Variants in NEMP2 observed in about 807,000 individuals in gnomAD.
NEMP2 encodes the protein nuclear envelope integral membrane protein 2.
Under a neutral mutation model 54.2 loss-of-function variants are expected in NEMP2, and 53 were observed. The ratio of observed to expected loss-of-function variants is 0.98; its 90% CI spans 0.78 to 1.23. The LOEUF (loss-of-function observed/expected upper bound fraction) is 1.23. Ranked by LOEUF, NEMP2 falls within the 50% of genes most tolerant of loss-of-function variation. The pLI is 0.00. For synonymous variants in NEMP2, 197 were observed against 190.3 expected (o/e 1.04, Z -0.29); for missense variants, 455 against 511.3 (o/e 0.89, Z 1.06).
At chr2:190,604,075 T>A in the NEMP2 span, among the ~76,000 whole-genome samples, 1 of 152,240 alleles carries the variant, frequency 6.6e-6, no homozygotes, top group Non-Finnish European at 1.5e-5. The surrounding 1 kb of genome is among the most constrained non-coding windows in gnomAD (Gnocchi z 4.5). Context: ...TGAAAGAATG[T>A]GTCGCACCTG....
At chr2:190,472,829 C>T in the NEMP2 span, among the ~76,000 whole-genome samples, 2 of 152,062 alleles carry the variant, frequency 1.3e-5, no homozygotes, top group Non-Finnish European at 2.9e-5. Context: ...TTAAGGGCAG[C>T]CAGAGAGAAA....
upstream of NEMP2, chr2:190,534,963 C>G (rs1691321137): frequency 3.8e-6 from 1 of 262,028 alleles, no homozygotes; most frequent in Non-Finnish European, 7.2e-6. Flanking sequence ...GCGGGGCGTC[C>G]AGGGCCTCAT....
At chr2:190,562,684 A>G in the NEMP2 span, among the ~76,000 whole-genome samples, 2 of 152,112 alleles carry the variant, frequency 1.3e-5, no homozygotes, top group African/African-American at 2.4e-5. The surrounding 1 kb of genome is among the most constrained non-coding windows in gnomAD (Gnocchi z 5.0). Flanking sequence ...CTAACTTTAT[A>G]TAAATCTATG....
chr2:190,482,939 C>A, the NEMP2 span, among the ~76,000 whole-genome samples: 2 of 124,300 alleles, frequency 1.6e-5, no homozygotes, highest in East Asian at 5.3e-4. Flanking sequence ...GGCCGGACTG[C>A]GGACTGCAGT....
At chr2:190,434,961 C>T in the NEMP2 span, among the ~76,000 whole-genome samples, 6 of 152,136 alleles carry the variant, frequency 3.9e-5, no homozygotes, top group Non-Finnish European at 7.3e-5. This position sits in a 1 kb window ranked among gnomAD's most constrained non-coding sequence, Gnocchi z 4.3. Flanking sequence ...GGAGCATGAA[C>T]GCTATTGTGA....
intron 1 of NEMP2, chr2:190,534,319 G>C: frequency 8.4e-7 from 1 of 1,186,750 alleles, no homozygotes. Context: ...ACTGGATCGC[G>C]CGGTTGCTTC....
chr2:190,636,546 CGTAT>C, the NEMP2 span, among the ~76,000 whole-genome samples: 2 of 152,192 alleles, frequency 1.3e-5, no homozygotes, highest in African/African-American at 4.8e-5. Context: ...CATCACTAAG[CGTAT>C]GTCGTAATGA....
chr2:190,550,112 C>G, the NEMP2 span, among the ~76,000 whole-genome samples: 1 of 152,100 alleles, frequency 6.6e-6, no homozygotes, highest in Non-Finnish European at 1.5e-5. The surrounding 1 kb of genome is among the most constrained non-coding windows in gnomAD (Gnocchi z 4.7). Context: ...TTCCTAGTTC[C>G]CAGGTATACA....
chr2:190,595,783 G>A, the NEMP2 span, among the ~76,000 whole-genome samples: 13 of 152,244 alleles, frequency 8.5e-5, no homozygotes, highest in Non-Finnish European at 8.8e-5. This position sits in a 1 kb window ranked among gnomAD's most constrained non-coding sequence, Gnocchi z 4.0. Flanking sequence ...AAATAGGAAC[G>A]CTTTTACACT....
chr2:190,522,094 G>C lies in NEMP2; in HGVS notation c.214-2911C>G, dbSNP rs1690770417. The stretch of plus-strand genomic sequence containing the variant: ...GGAATTAATAGAGGGAGGAGGGAAA[G>C]TGACACTTATCTGAAAATACCTTTG... On this transcript the variant is annotated intron_variant, in intron 2 of 8. Coordinates refer to ENST00000409150, the MANE Select transcript of NEMP2 (RefSeq NM_001142645.2). This position sits in a 1 kb window ranked among gnomAD's most constrained non-coding sequence, Gnocchi z 5.0. Among the ~76,000 whole-genome samples the C allele has an allele frequency of 6.6e-6, 1 of 152,180 alleles. No homozygotes were observed.
the NEMP2 span, among the ~76,000 whole-genome samples, chr2:190,593,857 T>C: frequency 6.6e-6 from 1 of 152,368 alleles, no homozygotes; most frequent in African/African-American, 2.4e-5. This position sits in a 1 kb window ranked among gnomAD's most constrained non-coding sequence, Gnocchi z 4.5. Flanking sequence ...AGCTTCTAGC[T>C]GTGACCTCAA....
At chr2:190,605,136 C>A in the NEMP2 span, among the ~76,000 whole-genome samples, 3 of 152,068 alleles carry the variant, frequency 2.0e-5, no homozygotes, top group East Asian at 5.8e-4. Flanking sequence ...TCACTGAAAC[C>A]CCCATGTTGA....
chr2:190,458,821 G>A, the NEMP2 span, among the ~76,000 whole-genome samples: 1 of 152,258 alleles, frequency 6.6e-6, no homozygotes, highest in Admixed American at 6.5e-5. This position sits in a 1 kb window ranked among gnomAD's most constrained non-coding sequence, Gnocchi z 5.3. Flanking sequence ...CAGATGACGC[G>A]ATCAGAACCT....
chr2:190,596,939 A>G, the NEMP2 span, among the ~76,000 whole-genome samples: 2 of 152,136 alleles, frequency 1.3e-5, no homozygotes, highest in African/African-American at 2.4e-5. This position sits in a 1 kb window ranked among gnomAD's most constrained non-coding sequence, Gnocchi z 5.1. Flanking sequence ...GGTGTTTACA[A>G]CTTTTTAAAA....
chr2:190,588,613 T>C, the NEMP2 span, among the ~76,000 whole-genome samples: 27,844 of 152,190 alleles, frequency 0.18, 2,659 homozygotes, highest in Middle Eastern at 0.25. The surrounding 1 kb of genome is among the most constrained non-coding windows in gnomAD (Gnocchi z 5.0). Flanking sequence ...CCTGACCTTG[T>C]GGATGGGGTC....
the NEMP2 span, among the ~76,000 whole-genome samples, chr2:190,603,045 A>G: frequency 6.6e-6 from 1 of 152,104 alleles, no homozygotes; most frequent in Admixed American, 6.5e-5. Context: ...AATCTCATGA[A>G]ATTTTCCTTT....
chr2:190,495,571 G>C, the NEMP2 span, among the ~76,000 whole-genome samples: 221 of 152,232 alleles, frequency 1.5e-3, 1 homozygote, highest in African/African-American at 5.3e-3. The surrounding 1 kb of genome is among the most constrained non-coding windows in gnomAD (Gnocchi z 4.7). Flanking sequence ...CAAATCTGGA[G>C]GCATCACACT....
At chr2:190,566,270 G>A in the NEMP2 span, among the ~76,000 whole-genome samples, 2 of 152,180 alleles carry the variant, frequency 1.3e-5, no homozygotes, top group African/African-American at 4.8e-5. Context: ...AAACATTTTT[G>A]TCTTTATAAA....
chr2:190,458,951 T>C, the NEMP2 span, among the ~76,000 whole-genome samples: 3 of 152,210 alleles, frequency 2.0e-5, no homozygotes, highest in African/African-American at 7.2e-5. The surrounding 1 kb of genome is among the most constrained non-coding windows in gnomAD (Gnocchi z 5.3). Context: ...CATGCTTAGT[T>C]TCTGCTTAGC....
Sources: allele counts gnomAD v4.1 joint callset (sites outside exome capture counted in the v4.1 genomes callset), GRCh38; gene constraint gnomAD v4.1.1; non-coding constraint Gnocchi (gnomAD v3.1); transcripts MANE v1.5; gene names NCBI Gene and HGNC (gene_info 2026-07-23, HGNC 2026-07-21).